The following CACNA1E variants were observed in gnomAD, a reference collection of about 807,000 sequenced individuals.
The protein encoded by CACNA1E is calcium voltage-gated channel subunit alpha1 E.
Under a neutral mutation model 259.2 loss-of-function variants are expected in CACNA1E, and 40 were observed. That is an observed-to-expected ratio of 0.15 (90% CI 0.12 to 0.20). CACNA1E has a LOEUF of 0.20. CACNA1E is among the 10% of genes least tolerant of loss of function. The pLI is 1.00. For synonymous variants in CACNA1E, 1,104 were observed against 1,138.5 expected, an observed-to-expected ratio of 0.97 and a Z score of 0.61; for missense variants, 1,874 against 3,040.1, an observed-to-expected ratio of 0.62 and a Z score of 9.02.
intron 1 of CACNA1E, among the ~76,000 whole-genome samples, chr1:181,384,303 C>T (rs1381930735): frequency 6.6e-6 from 1 of 152,200 alleles, no homozygotes; most frequent in Non-Finnish European, 1.5e-5. Flanking sequence ...GTATACATCT[C>T]AGCTGGATAC....
At chr1:181,570,254 G>A (rs1650278834) in intron 3 of CACNA1E, among the ~76,000 whole-genome samples, 1 of 152,024 alleles carries the variant, frequency 6.6e-6, no homozygotes, top group South Asian at 2.1e-4. Flanking sequence ...GTTCCTCGGG[G>A]GGAGTCTTGC....
chr1:181,683,334 A>G (rs988185236), intron 7 of CACNA1E, among the ~76,000 whole-genome samples: 10 of 152,330 alleles, frequency 6.6e-5, no homozygotes, highest in East Asian at 1.9e-4. Flanking sequence ...GTCACTTACT[A>G]CTGAATTGCA....
chr1:181,791,562 T>C (rs1032194133), intron 44 of CACNA1E, among the ~76,000 whole-genome samples: 1 of 152,218 alleles, frequency 6.6e-6, no homozygotes, highest in Non-Finnish European at 1.5e-5. Flanking sequence ...TTGGCTTAGC[T>C]AATACAAAGC....
chr1:181,783,770 T>A lies in CACNA1E; in HGVS notation c.5456T>A (p.Ile1819Asn). The A allele has an allele frequency of 6.3e-7, 1 of 1,588,156 alleles. No individual in the cohort carries two copies. Among genetic ancestry groups the A allele is most frequent in the Non-Finnish European group, 8.5e-7 (1 of 1,171,862 alleles). Reference protein sequence around the residue: ...LMALIRTALDIKIAKGGADRQ... With the variant: ...LMALIRTALDNKIAKGGADRQ... ...GCTCTGATCCGGACAGCTCTGGACATTAAAATTGCCAAAGGTAAGCTTAGC... is the reference window on the plus strand; with the variant it reads ...GCTCTGATCCGGACAGCTCTGGACAATAAAATTGCCAAAGGTAAGCTTAGC... The change falls in exon 40 of 48, where the codon ATT (isoleucine) becomes AAT (asparagine). Residue 1819 changes from isoleucine (I) to asparagine (N), a missense_variant. Coordinates refer to ENST00000367573, the MANE Select transcript of CACNA1E (RefSeq NM_001205293.3).
chr1:181,626,601 C>G (rs1028972326), intron 6 of CACNA1E, among the ~76,000 whole-genome samples: 26 of 152,116 alleles, frequency 1.7e-4, no homozygotes, highest in African/African-American at 6.0e-4. Flanking sequence ...GATTCTGAGA[C>G]CATGTCCAAA....
intron 3 of CACNA1E, among the ~76,000 whole-genome samples, chr1:181,539,367 T>C (rs1668409847): frequency 6.6e-6 from 1 of 152,088 alleles, no homozygotes; most frequent in African/African-American, 2.4e-5. Flanking sequence ...AATGAACAGA[T>C]AATGACTGAA....
At chr1:181,553,507 C>T (rs113204055) in intron 3 of CACNA1E, among the ~76,000 whole-genome samples, 5,571 of 152,176 alleles carry the variant, frequency 0.037, 328 homozygotes, top group African/African-American at 0.13. Context: ...TTTCTCTTGC[C>T]TGATTGCCCT....
chr1:181,463,396 T>G (rs1661947162), intron 2 of CACNA1E, among the ~76,000 whole-genome samples: 1 of 152,138 alleles, frequency 6.6e-6, no homozygotes, highest in Non-Finnish European at 1.5e-5. Context: ...TCTAACACAT[T>G]GCTTTTCAGA....
chr1:181,786,391 T>C (rs1660849282), intron 43 of CACNA1E, among the ~76,000 whole-genome samples: 1 of 152,244 alleles, frequency 6.6e-6, no homozygotes, highest in Non-Finnish European at 1.5e-5. Flanking sequence ...GTTAACTACG[T>C]TGCCTAAAGT....
chr1:181,343,406 C>T (rs1284855387), intron 1 of CACNA1E, among the ~76,000 whole-genome samples: 3 of 152,058 alleles, frequency 2.0e-5, no homozygotes, highest in Non-Finnish European at 4.4e-5. Context: ...TACTAGTTCA[C>T]GTGAGATCTG....
At chr1:181,669,828 A>C (rs939685764) in intron 7 of CACNA1E, among the ~76,000 whole-genome samples, 5 of 152,220 alleles carry the variant, frequency 3.3e-5, no homozygotes, top group Non-Finnish European at 7.3e-5. Flanking sequence ...AGCACAAGGC[A>C]CTTGTAGTAG....
At chr1:181,333,071 C>T (rs780547205) in intron 1 of CACNA1E, among the ~76,000 whole-genome samples, 1 of 152,144 alleles carries the variant, frequency 6.6e-6, no homozygotes, top group Non-Finnish European at 1.5e-5. Flanking sequence ...CTAACTGGAT[C>T]TCTCTGAGGA....
In CACNA1E at chr1:181,476,078, C is replaced by G. The variant is rs878275; in HGVS notation, c.435-7666C>G. On this transcript the variant is annotated intron_variant, in intron 2 of 11. Coordinates refer to the CACNA1E transcript ENST00000524607. ...GTGGCTGGGATGCCAAGAACGATGA[C>G]CTCTGAGGAGAGGGGGAGGTCAGTG... Among the ~76,000 whole-genome samples the G allele has an allele frequency of 3.6e-3, 545 of 152,068 alleles. 1 individual carries two copies. Among genetic ancestry groups the G allele is most frequent in the Non-Finnish European group, 5.9e-3 (404 of 67,976 alleles).
chr1:181,712,231 G>A (rs562530858), intron 8 of CACNA1E, among the ~76,000 whole-genome samples: 3 of 152,264 alleles, frequency 2.0e-5, no homozygotes, highest in South Asian at 4.1e-4. Context: ...TAAAAGGGAC[G>A]GGTTTGCTTT....
In CACNA1E at chr1:181,736,220, T is replaced by G. The variant is rs1656016544; in HGVS notation, c.3263-55T>G. 4.6e-6 allele frequency: 7 copies of G among 1,531,362 alleles called. No individual in the cohort carries two copies. The South Asian group carries it at 8.7e-5, about 19-fold the overall frequency. The allele number at this position is 1,531,362 out of a possible 1,614,324, so 94.9% of individuals were successfully genotyped here. A position where few individuals can be genotyped will look rare whatever the true frequency, so the allele number is the denominator to read the frequency against. On this transcript the variant is annotated intron_variant, in intron 21 of 47. Transcript: ENST00000367573. ...TTCATCCCCAACTAAACACAAATGG[T>G]GCCATTTTCACATGCCTCATGATTT...
chr1:181,359,727 G>C (rs911391938), intron 1 of CACNA1E, among the ~76,000 whole-genome samples: 1 of 152,198 alleles, frequency 6.6e-6, no homozygotes, highest in Non-Finnish European at 1.5e-5. Flanking sequence ...AGATTAAACT[G>C]TGTAGTGGGT....
intron 2 of CACNA1E, among the ~76,000 whole-genome samples, chr1:181,432,549 C>T (rs1659792561): frequency 6.6e-6 from 1 of 152,068 alleles, no homozygotes; most frequent in South Asian, 2.1e-4. Flanking sequence ...TCCAAGTGTA[C>T]AGAACATCAG....
chr1:181,599,326 T>C (rs1653514784), intron 6 of CACNA1E, among the ~76,000 whole-genome samples: 1 of 152,218 alleles, frequency 6.6e-6, no homozygotes, highest in Non-Finnish European at 1.5e-5. Flanking sequence ...GAGTATTCCA[T>C]GGTGTATATG....
At chr1:181,459,592 A>T (rs182651748) in intron 2 of CACNA1E, among the ~76,000 whole-genome samples, 1 of 152,354 alleles carries the variant, frequency 6.6e-6, no homozygotes, top group Non-Finnish European at 1.5e-5. Context: ...ATACAGTCAG[A>T]GGGTTAGTGT....
Sources: allele counts gnomAD v4.1 joint callset (sites outside exome capture counted in the v4.1 genomes callset), GRCh38; gene constraint gnomAD v4.1.1; transcripts MANE v1.5; gene names NCBI Gene and HGNC (gene_info 2026-07-23, HGNC 2026-07-21).